The following ST8SIA4 variants were observed in gnomAD, a reference collection of about 807,000 sequenced individuals.
ST8SIA4 encodes the protein ST8 alpha-N-acetyl-neuraminide alpha-2,8-sialyltransferase 4, also known as CMP-N-acetylneuraminate-poly-alpha-2,8-sialyltransferase.
Under a neutral mutation model 33.9 loss-of-function variants are expected in ST8SIA4, and 15 were observed. The ratio of observed to expected loss-of-function variants is 0.44; its 90% CI spans 0.30 to 0.68. ST8SIA4 has a LOEUF of 0.68. ST8SIA4 is among the 30% of genes least tolerant of loss of function. The pLI, the probability that ST8SIA4 is intolerant of heterozygous loss-of-function variation, is 0.10. For synonymous variants in ST8SIA4, 171 were observed against 151.2 expected (o/e 1.13, Z -0.96); for missense variants, 321 against 428.0 (o/e 0.75, Z 2.21).
intron 4 of ST8SIA4, among the ~76,000 whole-genome samples, chr5:100,823,623 ACAAC>A (rs1179467015): frequency 6.6e-6 from 1 of 152,260 alleles, no homozygotes; most frequent in African/African-American, 2.4e-5. Flanking sequence ...CCTGAATTAT[ACAAC>A]CAGGAATTTA....
intron 3 of ST8SIA4, among the ~76,000 whole-genome samples, chr5:100,865,902 C>T (rs1752051469): frequency 6.6e-6 from 1 of 152,078 alleles, no homozygotes; most frequent in Non-Finnish European, 1.5e-5. Context: ...GTCTCATACT[C>T]CTCCAATCAT....
At chr5:100,866,497 T>G (rs1752062256) in intron 3 of ST8SIA4, among the ~76,000 whole-genome samples, 1 of 151,948 alleles carries the variant, frequency 6.6e-6, no homozygotes. Flanking sequence ...AAAATTTACT[T>G]CAATGAAATG....
At chr5:100,860,180 A>G (rs1382260949) in intron 3 of ST8SIA4, among the ~76,000 whole-genome samples, 3 of 152,162 alleles carry the variant, frequency 2.0e-5, no homozygotes, top group African/African-American at 7.2e-5. Context: ...TAGGTGTATT[A>G]TAGACCAAAT....
At chr5:100,899,397 A>G (rs1339951183) in intron 1 of ST8SIA4, among the ~76,000 whole-genome samples, 3 of 152,228 alleles carry the variant, frequency 2.0e-5, no homozygotes, top group Non-Finnish European at 4.4e-5. Flanking sequence ...TTCTGCACTC[A>G]CGAGGTTGTG....
At position 100,810,419 on chromosome 5, in the gene ST8SIA4, T is replaced by C. The variant is rs990553409; in HGVS notation, c.*1428A>G. On this transcript the variant is annotated 3_prime_UTR_variant, in exon 5 of 5. Transcript: ENST00000231461. ...TCTGCACTAAGAAATTTAACAGTAATATATAAAGCATTTCCATATTTCTAT... is the reference window on the plus strand; with the variant it reads ...TCTGCACTAAGAAATTTAACAGTAACATATAAAGCATTTCCATATTTCTAT... 1 of 152,140 alleles carries C rather than the reference T, an allele frequency of 6.6e-6. No individual in the cohort carries two copies. The highest frequency in any genetic ancestry group is 1.5e-5 in the Non-Finnish European group (1 of 68,006). 9.4% of individuals were successfully genotyped at this position (152,140 alleles called of 1,614,324 possible).
chr5:100,886,659 G>T, intron 2 of ST8SIA4, 59 bp from the exon 3 acceptor site: 1 of 1,376,512 alleles, frequency 7.3e-7, no homozygotes, highest in Non-Finnish European at 1.0e-6. Context: ...AGAACTGATG[G>T]TGTCATTTAC....
intron 1 of ST8SIA4, among the ~76,000 whole-genome samples, 165 bp from the exon 2 acceptor site, chr5:100,895,950 G>A (rs1416240342): frequency 3.3e-5 from 5 of 150,574 alleles, no homozygotes; most frequent in Admixed American, 1.3e-4. Flanking sequence ...TGAGGATTAA[G>A]TGAATATGAC....
chr5:100,896,641 T>C (rs1752786129), intron 1 of ST8SIA4, among the ~76,000 whole-genome samples: 1 of 152,164 alleles, frequency 6.6e-6, no homozygotes, highest in South Asian at 2.1e-4. Flanking sequence ...CCTGATCTTA[T>C]CATTACAAAG....
intron 3 of ST8SIA4, among the ~76,000 whole-genome samples, chr5:100,857,115 C>T (rs964300802): frequency 4.6e-5 from 7 of 151,990 alleles, no homozygotes; most frequent in South Asian, 4.1e-4. Context: ...CCTTTTCGGA[C>T]GTATGCATCC....
Position 100,811,929 on chromosome 5 carries a change from A to C in ST8SIA4, c.998T>G (p.Met333Arg). Residue 333 changes from methionine (M) to arginine (R), a missense_variant, in exon 5 of 5, where the codon ATG becomes AGG. Physicochemically the swap from Met to Arg is moderately conservative, Grantham distance 91. Coordinates refer to ENST00000231461, the MANE Select transcript of ST8SIA4 (RefSeq NM_005668.6). Reference sequence around the variant, plus strand: ...ATTTAATGTTTTGAATTCTAATGGCATTCTGTGAGGGCTTGCATTGGAAAA... The same window carrying C: ...ATTTAATGTTTTGAATTCTAATGGCCTTCTGTGAGGGCTTGCATTGGAAAA... ...RYFSNASPHR[M>R]PLEFKTLNVL... The C allele has an allele frequency of 1.2e-6, 2 of 1,614,128 alleles. No homozygotes were observed. The highest frequency in any genetic ancestry group is 1.7e-6 in the Non-Finnish European group (2 of 1,179,990).
Position 100,880,896 on chromosome 5 carries a change from G to A in ST8SIA4, c.503+5447C>T, listed in dbSNP as rs72778632. ...TTAAATAAGATATTTGTATGTGCCT[G>A]TGGGTGTGTATATGAATCTGACACT... On this transcript the variant is annotated intron_variant, in intron 3 of 4. Transcript: ENST00000231461. 8.8e-3 allele frequency among the ~76,000 whole-genome samples: 1,342 copies of A among 152,282 alleles called. 8 individuals are homozygous for A. Among genetic ancestry groups the A allele is most frequent in the Non-Finnish European group, 0.014 (955 of 68,022 alleles).
intron 4 of ST8SIA4, among the ~76,000 whole-genome samples, chr5:100,851,528 TG>T (rs1751698191): frequency 6.6e-6 from 1 of 152,036 alleles, no homozygotes; most frequent in Non-Finnish European, 1.5e-5. Context: ...TGTATTTATG[TG>T]TTGTTGAGAA....
At chr5:100,875,169 T>C (rs1308873416) in intron 3 of ST8SIA4, among the ~76,000 whole-genome samples, 2 of 152,154 alleles carry the variant, frequency 1.3e-5, no homozygotes, top group Non-Finnish European at 2.9e-5. Context: ...TACAGGTAGG[T>C]AGAGACCACC....
At position 100,903,061 on chromosome 5, in the gene ST8SIA4, G is replaced by C; in HGVS notation, c.-106C>G. On this transcript the variant is annotated 5_prime_UTR_variant, in exon 1 of 5. Coordinates refer to ENST00000231461, the MANE Select transcript of ST8SIA4 (RefSeq NM_005668.6). ...CGCGGGGGTGAAATCTGTAAAATGC[G>C]AGGAGAGCTTGGAGCCGGGATCCCG... 1 of 785,684 alleles carries C rather than the reference G, an allele frequency of 1.3e-6. No individual in the cohort carries two copies. The highest frequency in any genetic ancestry group is 3.2e-4 in the Middle Eastern group (1 of 3,174). The allele number at this position is 785,684 out of a possible 1,614,324, so 48.7% of individuals were successfully genotyped here.
At chr5:100,892,078 G>A (rs927280809) in intron 2 of ST8SIA4, among the ~76,000 whole-genome samples, 4 of 151,898 alleles carry the variant, frequency 2.6e-5, no homozygotes, top group African/African-American at 4.8e-5. Flanking sequence ...ATTATGATGT[G>A]ATAAAGCTAT....
At chr5:100,856,059 G>C in intron 4 of ST8SIA4, 44 bp downstream of exon 4, 1 of 1,569,648 alleles carries the variant, frequency 6.4e-7, no homozygotes, top group Non-Finnish European at 8.7e-7. Flanking sequence ...AGTTATATGT[G>C]TTCCACTGTG....
rs970546016 is a variant in ST8SIA4 at position 100,808,596 on chromosome 5, T to C, written c.*3251A>G. 2.6e-5 allele frequency: 4 copies of C among 152,616 alleles called. No individual in the cohort carries two copies. The highest frequency in any genetic ancestry group is 6.5e-5 in the Admixed American group (1 of 15,276). The allele number at this position is 152,616 out of a possible 1,614,324, so 9.5% of individuals were successfully genotyped here. ...GAGCATTGCCAAGTACAGGGTTAAA[T>C]AGTAAAAAATAAATTAAAATATTAA... On this transcript the variant is annotated 3_prime_UTR_variant, in exon 5 of 5. Transcript: ENST00000231461.
chr5:100,811,219 C>T lies in ST8SIA4; in HGVS notation c.*628G>A, dbSNP rs80313395. The T allele has an allele frequency of 0.017, 2,587 of 151,022 alleles. 45 individuals carry two copies. Among genetic ancestry groups the T allele is most frequent in the Middle Eastern group, 0.062 (18 of 290 alleles). The allele number at this position is 151,022 out of a possible 1,614,324, so 9.4% of individuals were successfully genotyped here. A position where few individuals can be genotyped will look rare whatever the true frequency, so the allele number is the denominator to read the frequency against. ...TGATAGCTTTTAAAAAGTATAAGAA[C>T]TTTAAAAATAATTACTTAAAGTTTA... On this transcript the variant is annotated 3_prime_UTR_variant, in exon 5 of 5. Coordinates refer to ENST00000231461, the MANE Select transcript of ST8SIA4 (RefSeq NM_005668.6).
chr5:100,855,811 CTA>C (rs1751802640), intron 4 of ST8SIA4, among the ~76,000 whole-genome samples: 1 of 152,154 alleles, frequency 6.6e-6, no homozygotes, highest in South Asian at 2.1e-4. Context: ...ATTAATTTTA[CTA>C]TGAATTCTTA....
Sources: gnomAD v4.1 joint callset for allele counts (sites outside exome capture counted in the v4.1 genomes callset) on GRCh38, gnomAD v4.1.1 for gene constraint, MANE v1.5 for transcripts, NCBI Gene and HGNC (gene_info 2026-07-23, HGNC 2026-07-21) for gene names.